GRHL3: variants seen among roughly 807,000 people sequenced by gnomAD.
GRHL3 encodes the protein grainyhead like transcription factor 3, also known as grainyhead-like protein 3 homolog.
Under a neutral mutation model 70.3 loss-of-function variants are expected in GRHL3, and 20 were observed. The ratio of observed to expected loss-of-function variants is 0.28; its 90% CI spans 0.20 to 0.41. The LOEUF is 0.41. Ranked by LOEUF, GRHL3 falls within the 10% of genes least tolerant of loss-of-function variation. The pLI, the probability that GRHL3 is intolerant of heterozygous loss-of-function variation, is 1.00. For synonymous variants in GRHL3, 299 were observed against 299.9 expected (o/e 1.00, Z 0.03); for missense variants, 637 against 762.3 (o/e 0.84, Z 1.94).
intron 11 of GRHL3, among the ~76,000 whole-genome samples, chr1:24,343,664 C>A (rs566855318): frequency 2.6e-5 from 4 of 152,268 alleles, no homozygotes; most frequent in African/African-American, 9.6e-5. Flanking sequence ...ACTGCACCTA[C>A]CCCCTTTTCC....
intron 1 of GRHL3, among the ~76,000 whole-genome samples, chr1:24,328,482 G>T (rs189370805): frequency 3.9e-5 from 6 of 152,348 alleles, no homozygotes; most frequent in African/African-American, 1.4e-4. Flanking sequence ...GACCTTATAG[G>T]CCAAGAGACC....
At chr1:24,338,337 A>G (rs946007916) in intron 7 of GRHL3, among the ~76,000 whole-genome samples, 1 of 152,152 alleles carries the variant, frequency 6.6e-6, no homozygotes. Flanking sequence ...TGAGATAAAT[A>G]GGCTCCTGCG....
chr1:24,325,254 C>T (rs867749768), intron 1 of GRHL3, among the ~76,000 whole-genome samples: 2 of 152,176 alleles, frequency 1.3e-5, no homozygotes, highest in South Asian at 2.1e-4. Context: ...CTGTGCCACA[C>T]ACCTTCTTTG....
At chr1:24,329,641 A>C (rs1371976039) in intron 1 of GRHL3, among the ~76,000 whole-genome samples, 1 of 152,208 alleles carries the variant, frequency 6.6e-6, no homozygotes, top group Non-Finnish European at 1.5e-5. Context: ...CTTACCTTGT[A>C]GTGTCCTTGT....
At chr1:24,324,021 T>C (rs972838869) in intron 1 of GRHL3, among the ~76,000 whole-genome samples, 4 of 152,180 alleles carry the variant, frequency 2.6e-5, no homozygotes, top group Non-Finnish European at 5.9e-5. Flanking sequence ...AGAGTAATCC[T>C]CAGTGAATGT....
downstream of GRHL3, among the ~76,000 whole-genome samples, chr1:24,359,564 T>A (rs2148674054): frequency 6.6e-6 from 1 of 152,296 alleles, no homozygotes; most frequent in Middle Eastern, 3.4e-3. This position sits in a 1 kb window ranked among gnomAD's most constrained non-coding sequence, Gnocchi z 5.3. Flanking sequence ...TGCCTTATGT[T>A]AGTCTCACCT....
chr1:24,360,759 C>A, intron 15 of GRHL3: 1 of 1,187,274 alleles, frequency 8.4e-7, no homozygotes, highest in Admixed American at 2.4e-5. Flanking sequence ...ATTTGGGAAA[C>A]AACCTATAAA....
At chr1:24,339,967 A>G (rs553998258) in intron 8 of GRHL3, among the ~76,000 whole-genome samples, 140 of 152,340 alleles carry the variant, frequency 9.2e-4, no homozygotes, top group African/African-American at 3.3e-3. Flanking sequence ...CTATTGGTCC[A>G]AAGTGTGACT....
At chr1:24,361,382 T>C (rs1569963597) in intron 15 of GRHL3, among the ~76,000 whole-genome samples, 2 of 152,030 alleles carry the variant, frequency 1.3e-5, no homozygotes, top group South Asian at 4.2e-4. Flanking sequence ...TGGCAGGCCG[T>C]GTATATCTCA....
Position 24,337,726 on chromosome 1 carries a change from C to T in GRHL3, c.777C>T (p.Tyr259=), listed in dbSNP as rs1392881104. ...PMAYLNKGQF[Y]PVTLRTPAGG... is the part of the protein sequence containing the mutation. ...CCTACCTCAACAAAGGCCAGTTCTA[C>T]CCCGTCACCCTGCGGACCCCAGCAG... The change falls in exon 6 of 16, where the codon TAC becomes TAT. Residue 259 remains tyrosine, a synonymous_variant. Coordinates refer to ENST00000361548, the MANE Select transcript of GRHL3 (RefSeq NM_198173.3). 6 of 1,614,240 alleles carry T rather than the reference C, an allele frequency of 3.7e-6. No homozygotes were observed. Among genetic ancestry groups the T allele is most frequent in the Non-Finnish European group, 5.1e-6 (6 of 1,180,050 alleles).
In GRHL3 at chr1:24,342,352, T is replaced by C. The variant is rs4648974; in HGVS notation, c.1206+79T>C. On this transcript the variant is annotated intron_variant, in intron 9 of 15. Coordinates refer to ENST00000361548, the MANE Select transcript of GRHL3 (RefSeq NM_198173.3). This position sits in a 1 kb window ranked among gnomAD's most constrained non-coding sequence, Gnocchi z 4.8. Reference sequence around the variant, plus strand: ...ACCCTGACCCGTGCGTCCTCCTAGCTTCTCTGGGTTGTCTGTCTCTCTCTG... The same window carrying C: ...ACCCTGACCCGTGCGTCCTCCTAGCCTCTCTGGGTTGTCTGTCTCTCTCTG... 0.28 allele frequency: 338,322 copies of C among 1,228,758 alleles called. 49,577 individuals are homozygous for C. Among genetic ancestry groups the C allele is most frequent in the East Asian group, 0.48 (20,310 of 42,392 alleles). 76.1% of individuals were successfully genotyped at this position (1,228,758 alleles called of 1,614,324 possible).
Position 24,322,428 on chromosome 1 carries a change from C to G in GRHL3, c.17+2860C>G, listed in dbSNP as rs961948650. On this transcript the variant is annotated intron_variant, in intron 1 of 15. Coordinates refer to ENST00000361548, the MANE Select transcript of GRHL3 (RefSeq NM_198173.3). This position sits in a 1 kb window ranked among gnomAD's most constrained non-coding sequence, Gnocchi z 4.4. ...CGCCTCCCCGCTGTGGTTTTGTGGTCGAAACCATGATTGCCAGGAGCAAAT... is the reference window on the plus strand; with the variant it reads ...CGCCTCCCCGCTGTGGTTTTGTGGTGGAAACCATGATTGCCAGGAGCAAAT... Among the ~76,000 whole-genome samples the G allele has an allele frequency of 6.6e-6, 1 of 152,178 alleles. No homozygotes were observed. Among genetic ancestry groups the G allele is most frequent in the Non-Finnish European group, 1.5e-5 (1 of 68,022 alleles).
intron 13 of GRHL3, 28 bp from the exon 14 acceptor site, chr1:24,347,440 T>G: frequency 6.3e-7 from 1 of 1,578,542 alleles, no homozygotes; most frequent in East Asian, 2.2e-5. Flanking sequence ...TTATCTTCCT[T>G]GCACTCAAGC....
chr1:24,352,775 C>T (rs912322040), intron 15 of GRHL3, among the ~76,000 whole-genome samples: 2 of 152,190 alleles, frequency 1.3e-5, no homozygotes, highest in Non-Finnish European at 2.9e-5. Flanking sequence ...TTTCCGACCT[C>T]CCGTGCCCAA....
chr1:24,323,254 A>C (rs1019322237), intron 1 of GRHL3: 1 of 536,304 alleles, frequency 1.9e-6, no homozygotes, highest in Non-Finnish European at 3.4e-6. Context: ...TCCGTGGACC[A>C]TCATCATCAT....
In GRHL3 at chr1:24,321,114, T is replaced by C. The variant is rs1212858392; in HGVS notation, c.17+1546T>C. 6.6e-6 allele frequency among the ~76,000 whole-genome samples: 1 copy of C among 152,200 alleles called. No homozygotes were observed. Among genetic ancestry groups the C allele is most frequent in the Non-Finnish European group, 1.5e-5 (1 of 68,032 alleles). On this transcript the variant is annotated intron_variant, in intron 1 of 15. Coordinates refer to ENST00000361548, the MANE Select transcript of GRHL3 (RefSeq NM_198173.3). This position sits in a 1 kb window ranked among gnomAD's most constrained non-coding sequence, Gnocchi z 4.0. ...GACATGTGTCTCCATCCCACTTAAA[T>C]TTGCTGGCTAAAACTGCGGAGGCTA...
At chr1:24,343,125 T>C in intron 11 of GRHL3, 100 bp downstream of exon 11, 1 of 1,391,852 alleles carries the variant, frequency 7.2e-7, no homozygotes, top group Non-Finnish European at 1.0e-6. Flanking sequence ...AGCCTGCCCC[T>C]CAGCCAGTTT....
intron 11 of GRHL3, 149 bp downstream of exon 11, chr1:24,343,174 A>T (rs1364679074): frequency 1.3e-6 from 1 of 750,818 alleles, no homozygotes; most frequent in African/African-American, 1.8e-5. Context: ...AAACATGTAT[A>T]TATGGTCCTA....
chr1:24,364,409 G>A (rs903207110), exon 16 of GRHL3: 60 of 1,500,100 alleles, frequency 4.0e-5, no homozygotes, highest in Non-Finnish European at 5.2e-5. Flanking sequence ...GACGACGGCA[G>A]GTCACATCTG....
Sources: allele counts gnomAD v4.1 joint callset (sites outside exome capture counted in the v4.1 genomes callset), GRCh38; gene constraint gnomAD v4.1.1; non-coding constraint Gnocchi (gnomAD v3.1); transcripts MANE v1.5; gene names NCBI Gene and HGNC (gene_info 2026-07-23, HGNC 2026-07-21).